The following MEIKIN variants were observed in gnomAD, a reference collection of about 807,000 sequenced individuals.
The protein encoded by MEIKIN is meiosis-specific kinetochore protein.
intron 9 of MEIKIN, among the ~76,000 whole-genome samples, chr5:131,858,843 A>C (rs1750237749): frequency 6.6e-6 from 1 of 152,214 alleles, no homozygotes; most frequent in Admixed American, 6.5e-5. Context: ...ACCACTAATC[A>C]TTAGATAAAT....
intron 8 of MEIKIN, among the ~76,000 whole-genome samples, chr5:131,881,780 T>C (rs111559341): frequency 1.3e-3 from 192 of 152,336 alleles, no homozygotes; most frequent in African/African-American, 4.2e-3. Flanking sequence ...AAGTTTTCTA[T>C]GTGTTCTTTC....
At chr5:131,812,088 C>T (rs6881814) in intron 12 of MEIKIN, among the ~76,000 whole-genome samples, 14,049 of 152,176 alleles carry the variant, frequency 0.092, 1,495 homozygotes, top group African/African-American at 0.26. Flanking sequence ...CATCCACTAT[C>T]GTGATTTCCA....
At chr5:131,905,493 A>G (rs578138609) in intron 8 of MEIKIN, among the ~76,000 whole-genome samples, 1 of 152,280 alleles carries the variant, frequency 6.6e-6, no homozygotes, top group Non-Finnish European at 1.5e-5. Flanking sequence ...AACATCAATG[A>G]ATCAGGGGCT....
chr5:131,813,299 A>G (rs892213663), intron 12 of MEIKIN, among the ~76,000 whole-genome samples: 4 of 152,202 alleles, frequency 2.6e-5, no homozygotes, highest in Non-Finnish European at 5.9e-5. Flanking sequence ...TAGAGCACCT[A>G]CAATTTCTTT....
intron 11 of MEIKIN, among the ~76,000 whole-genome samples, chr5:131,823,741 C>T (rs1749562083): frequency 6.6e-6 from 1 of 152,084 alleles, no homozygotes; most frequent in Non-Finnish European, 1.5e-5. Flanking sequence ...GATGCTGGTG[C>T]TTATAGATGT....
At chr5:131,815,375 T>G (rs1016742885) in intron 12 of MEIKIN, among the ~76,000 whole-genome samples, 1 of 152,148 alleles carries the variant, frequency 6.6e-6, no homozygotes, top group African/African-American at 2.4e-5. Context: ...TAAATGGTAC[T>G]TTTTTTCCCT....
intron 12 of MEIKIN, among the ~76,000 whole-genome samples, chr5:131,808,984 G>T (rs1772900482): frequency 6.6e-6 from 1 of 152,150 alleles, no homozygotes; most frequent in Non-Finnish European, 1.5e-5. Context: ...AATCGCTGGA[G>T]CCTGGAAGGT....
chr5:131,826,086 CTTTT>C (rs35951729), intron 11 of MEIKIN, among the ~76,000 whole-genome samples: 2 of 124,962 alleles, frequency 1.6e-5, no homozygotes, highest in Non-Finnish European at 1.7e-5. Context: ...TTCTTGTTTT[CTTTT>C]TTTTTTTTTT....
At chr5:131,938,050 A>G (rs1751811168) in intron 4 of MEIKIN, among the ~76,000 whole-genome samples, 1 of 152,044 alleles carries the variant, frequency 6.6e-6, no homozygotes, top group Non-Finnish European at 1.5e-5. Flanking sequence ...TAATGTCTGA[A>G]CTACTGTTTT....
intron 11 of MEIKIN, among the ~76,000 whole-genome samples, chr5:131,833,267 G>T (rs903921747): frequency 1.3e-5 from 2 of 152,146 alleles, no homozygotes; most frequent in African/African-American, 4.8e-5. Context: ...GCAAAATGCT[G>T]CCAGTATCCT....
intron 9 of MEIKIN, among the ~76,000 whole-genome samples, chr5:131,877,514 G>C (rs1750636890): frequency 6.6e-6 from 1 of 152,056 alleles, no homozygotes; most frequent in Admixed American, 6.6e-5. Context: ...GTGGCAGTGT[G>C]TGCCTGTAGT....
At chr5:131,927,146 C>CT (rs1467214613) in intron 5 of MEIKIN, among the ~76,000 whole-genome samples, 32 of 151,560 alleles carry the variant, frequency 2.1e-4, no homozygotes, top group Non-Finnish European at 4.0e-4. Flanking sequence ...CTCAGTACTG[C>CT]TTTTGCTATA....
At chr5:131,925,478 TCTTCTA>T (rs1413927754) in intron 5 of MEIKIN, among the ~76,000 whole-genome samples, 3 of 152,184 alleles carry the variant, frequency 2.0e-5, no homozygotes, top group African/African-American at 7.2e-5. Context: ...AGCATACATA[TCTTCTA>T]CTTCTTAAGT....
intron 8 of MEIKIN, among the ~76,000 whole-genome samples, chr5:131,887,320 T>C (rs534479148): frequency 3.5e-4 from 53 of 152,290 alleles, no homozygotes; most frequent in African/African-American, 1.3e-3. Context: ...TGTGTCTTTA[T>C]AGTAGCATGA....
At chr5:131,817,780 C>T (rs899965345) in intron 12 of MEIKIN, among the ~76,000 whole-genome samples, 7 of 152,086 alleles carry the variant, frequency 4.6e-5, no homozygotes, top group Non-Finnish European at 1.0e-4. Flanking sequence ...ATGCTCAGGG[C>T]AGGTACTGTG....
At chr5:131,936,612 T>A (rs545857828) in intron 4 of MEIKIN, among the ~76,000 whole-genome samples, 1 of 152,340 alleles carries the variant, frequency 6.6e-6, no homozygotes, top group Admixed American at 6.5e-5. Flanking sequence ...TCTTTCTTTT[T>A]GAGACGGAGT....
intron 10 of MEIKIN, among the ~76,000 whole-genome samples, chr5:131,853,999 C>G (rs966745909): frequency 6.6e-6 from 1 of 152,042 alleles, no homozygotes; most frequent in Admixed American, 6.6e-5. Context: ...AGATACATAC[C>G]CAAAGAATTG....
chr5:131,930,162 T>C (rs1435892200), intron 5 of MEIKIN, among the ~76,000 whole-genome samples: 1 of 152,208 alleles, frequency 6.6e-6, no homozygotes, highest in African/African-American at 2.4e-5. Context: ...TGTATAAGCT[T>C]TCCCTTTTCT....
At chr5:131,861,044 G>A (rs1177063762) in intron 9 of MEIKIN, among the ~76,000 whole-genome samples, 1 of 151,920 alleles carries the variant, frequency 6.6e-6, no homozygotes, top group Non-Finnish European at 1.5e-5. Flanking sequence ...TTACAGGCAT[G>A]AGCCACCATG....
Sources: allele counts gnomAD v4.1 joint callset (sites outside exome capture counted in the v4.1 genomes callset), GRCh38; gene constraint gnomAD v4.1.1; transcripts MANE v1.5; gene names NCBI Gene and HGNC (gene_info 2026-07-23, HGNC 2026-07-21).